SGSM1: variants seen among roughly 807,000 people sequenced by gnomAD.
SGSM1 encodes RUN and TBC1 domain containing 2.
SGSM1 carries 73 observed loss-of-function variants against 133.8 expected under a neutral mutation model. The observed-to-expected ratio is 0.55, with a 90% CI of 0.45 to 0.66. SGSM1 has a LOEUF of 0.66. SGSM1 is among the 30% of genes least tolerant of loss of function. SGSM1 has a pLI of 0.00. For missense variants in SGSM1, 1,213 were observed against 1,448.1 expected (o/e 0.84, Z 2.64); for synonymous variants, 563 against 573.0 (o/e 0.98, Z 0.25).
At chr22:24,880,775 C>T (rs1044607227) in intron 14 of SGSM1, among the ~76,000 whole-genome samples, 8 of 152,224 alleles carry the variant, frequency 5.3e-5, no homozygotes, top group Non-Finnish European at 8.8e-5. Flanking sequence ...GACAATGTGG[C>T]TCATCCCTAA....
chr22:24,918,193 G>A (rs987016491), intron 23 of SGSM1, among the ~76,000 whole-genome samples: 1 of 152,090 alleles, frequency 6.6e-6, no homozygotes, highest in Admixed American at 6.6e-5. Context: ...CAGATTTGGG[G>A]TGATGTTAAT....
intron 9 of SGSM1, among the ~76,000 whole-genome samples, chr22:24,862,419 T>C (rs140725520): frequency 1.3e-5 from 2 of 152,332 alleles, no homozygotes; most frequent in Non-Finnish European, 2.9e-5. Flanking sequence ...ATTTAGAAGA[T>C]TGTAGTCACA....
chr22:24,926,724 G>A lies in SGSM1; in HGVS notation c.*2450G>A, dbSNP rs1449692752. On this transcript the variant is annotated 3_prime_UTR_variant, in exon 25 of 25. Transcript: ENST00000400358. ...TTCTGTGTCCTGGAATTGGATGCGT[G>A]GGACTCGTTCTGTCCGCGGAGTGCA... 1 of 152,182 alleles carries A rather than the reference G, an allele frequency of 6.6e-6. No individual in the cohort carries two copies. Among genetic ancestry groups the A allele is most frequent in the African/African-American group, 2.4e-5 (1 of 41,404 alleles). 9.4% of individuals were successfully genotyped at this position (152,182 alleles called of 1,614,324 possible).
In SGSM1 at chr22:24,878,112, G is replaced by A. The variant is rs547211255; in HGVS notation, c.1431-1350G>A. Reference sequence around the variant, plus strand: ...AGGCATGAGCCACCGCGCCCCGCCTGGAGATTCTCTTATCATGCATTAGAA... The same window carrying A: ...AGGCATGAGCCACCGCGCCCCGCCTAGAGATTCTCTTATCATGCATTAGAA... On this transcript the variant is annotated intron_variant, in intron 13 of 24. Coordinates refer to ENST00000400358, the MANE Select transcript of SGSM1 (RefSeq NM_001098497.3). 1.5e-4 allele frequency among the ~76,000 whole-genome samples: 23 copies of A among 152,160 alleles called. No homozygotes were observed. In the South Asian group the frequency reaches 3.7e-3, roughly 25 times the overall value.
chr22:24,835,790 G>A (rs1409277538), intron 2 of SGSM1, among the ~76,000 whole-genome samples: 1 of 151,948 alleles, frequency 6.6e-6, no homozygotes, highest in East Asian at 1.9e-4. Context: ...GTCAGCAGAG[G>A]GGCCTCCTTG....
chr22:24,831,428 G>T (rs1223570758), intron 2 of SGSM1, among the ~76,000 whole-genome samples: 3 of 152,148 alleles, frequency 2.0e-5, no homozygotes, highest in African/African-American at 7.2e-5. Context: ...CTCCCGGGAA[G>T]GAGCAAGACC....
At chr22:24,878,760 A>G (rs779377983) in intron 13 of SGSM1, among the ~76,000 whole-genome samples, 13 of 152,156 alleles carry the variant, frequency 8.5e-5, no homozygotes, top group Non-Finnish European at 1.6e-4. Context: ...CTACTTAGCA[A>G]TCAGCCAGAC....
At chr22:24,897,234 G>A (rs543096895) in intron 18 of SGSM1, among the ~76,000 whole-genome samples, 127 of 151,950 alleles carry the variant, frequency 8.4e-4, no homozygotes, top group African/African-American at 3.0e-3. Context: ...GCAAAAATCA[G>A]CCAGGCATGG....
intron 2 of SGSM1, among the ~76,000 whole-genome samples, chr22:24,812,895 A>G (rs779613287): frequency 2.0e-5 from 3 of 152,214 alleles, no homozygotes; most frequent in Admixed American, 6.5e-5. Flanking sequence ...GAGTAAAGCA[A>G]TGTCTTTGCT....
intron 9 of SGSM1, among the ~76,000 whole-genome samples, chr22:24,860,923 ATATAT>A (rs1322726577): frequency 1.6e-5 from 1 of 62,544 alleles, no homozygotes; most frequent in East Asian, 5.0e-4. Context: ...AAAAAAAAAA[ATATAT>A]ATATATATAT....
intron 2 of SGSM1, among the ~76,000 whole-genome samples, chr22:24,835,108 T>G (rs1427376154): frequency 6.6e-6 from 1 of 152,124 alleles, no homozygotes; most frequent in Non-Finnish European, 1.5e-5. Flanking sequence ...TGGTGATGTT[T>G]CCCCCTGCAA....
intron 20 of SGSM1, among the ~76,000 whole-genome samples, chr22:24,904,588 AAAAG>A (rs1933304372): frequency 6.6e-6 from 1 of 150,508 alleles, no homozygotes; most frequent in Non-Finnish European, 1.5e-5. Context: ...AAAAAAAAAA[AAAAG>A]AAAAAGAAAA....
intron 14 of SGSM1, among the ~76,000 whole-genome samples, chr22:24,882,633 A>G (rs990874956): frequency 6.6e-6 from 1 of 152,136 alleles, no homozygotes; most frequent in African/African-American, 2.4e-5. Flanking sequence ...GTATTTTTGT[A>G]CCATTAACCA....
rs756218688 is a variant in SGSM1, at chr22:24,898,336, T to TG, written c.2388dup (p.Ser797ValfsTer12). ...GCCAACGAGAGCATGGACGAGTTCATGTCCATCACGGGCAGCCTGGACATG... is the reference window on the plus strand; with the variant it reads ...GCCAACGAGAGCATGGACGAGTTCATGGTCCATCACGGGCAGCCTGGACATG... On this transcript the variant is annotated frameshift_variant, in exon 19 of 25. Transcript: ENST00000400358. LOFTEE classifies it high-confidence loss of function. 1 of 1,613,882 alleles carries TG rather than the reference T, an allele frequency of 6.2e-7. No individual in the cohort carries two copies. Among genetic ancestry groups the TG allele is most frequent in the East Asian group, 2.2e-5 (1 of 44,876 alleles).
At chr22:24,921,642 G>A (rs775713364) in intron 24 of SGSM1, among the ~76,000 whole-genome samples, 2 of 151,610 alleles carry the variant, frequency 1.3e-5, no homozygotes, top group African/African-American at 2.4e-5. Context: ...AGTCCAAACC[G>A]CTTAATAAGT....
chr22:24,907,476 T>C (rs1933432426), intron 21 of SGSM1, among the ~76,000 whole-genome samples: 1 of 152,086 alleles, frequency 6.6e-6, no homozygotes, highest in African/African-American at 2.4e-5. Context: ...TCCAATGATC[T>C]GTAAAGTCAG....
At chr22:24,878,578 C>T (rs959577782) in intron 13 of SGSM1, among the ~76,000 whole-genome samples, 6 of 152,184 alleles carry the variant, frequency 3.9e-5, no homozygotes, top group Non-Finnish European at 7.3e-5. Context: ...CCTGGGATGT[C>T]CTGAGAACAA....
intron 9 of SGSM1, among the ~76,000 whole-genome samples, chr22:24,860,918 AAAAAAT>A (rs1569152275): frequency 3.9e-5 from 3 of 76,102 alleles, no homozygotes; most frequent in South Asian, 5.4e-4. Flanking sequence ...AAAAAAAAAA[AAAAAAT>A]ATATATATAT....
At chr22:24,847,557 T>C (rs898053460) in intron 3 of SGSM1, 77 bp from the exon 4 acceptor site, 21 of 1,530,584 alleles carry the variant, frequency 1.4e-5, no homozygotes, top group Non-Finnish European at 1.7e-5. Flanking sequence ...TTCCAGTGTC[T>C]GACAGAAGCT....
Sources: allele counts gnomAD v4.1 joint callset (sites outside exome capture counted in the v4.1 genomes callset), GRCh38; gene constraint gnomAD v4.1.1; transcripts MANE v1.5; gene names NCBI Gene and HGNC (gene_info 2026-07-23, HGNC 2026-07-21).